SYN3: variants seen among roughly 807,000 people sequenced by gnomAD.
SYN3 encodes synapsin-3.
In SYN3, 35 loss-of-function variants were observed where a neutral mutation model predicts 65.8. That is an observed-to-expected ratio of 0.53 (90% confidence interval 0.41 to 0.70). SYN3 has a LOEUF of 0.70. Ranked by LOEUF, SYN3 falls within the 30% of genes least tolerant of loss-of-function variation. The pLI is 0.00. For missense variants in SYN3, 680 were observed against 749.0 expected (o/e 0.91, Z 1.08); for synonymous variants, 270 against 292.9 (o/e 0.92, Z 0.80).
At chr22:33,031,634 T>C (rs2053757082) in intron 1 of SYN3, among the ~76,000 whole-genome samples, 1 of 151,924 alleles carries the variant, frequency 6.6e-6, no homozygotes. Context: ...AGGGCCCTCT[T>C]CCCCTTCTCA....
chr22:32,697,397 C>T (rs2060751120), intron 6 of SYN3, among the ~76,000 whole-genome samples: 1 of 152,160 alleles, frequency 6.6e-6, no homozygotes, highest in South Asian at 2.1e-4. Context: ...TCATTCATAA[C>T]ACTGAGATAA....
chr22:32,732,643 A>G (rs1036936291), intron 6 of SYN3, among the ~76,000 whole-genome samples: 6 of 152,228 alleles, frequency 3.9e-5, no homozygotes, highest in Non-Finnish European at 8.8e-5. Flanking sequence ...GAGGATTAAC[A>G]GTGTCTACAT....
intron 6 of SYN3, among the ~76,000 whole-genome samples, chr22:32,855,676 T>C (rs2048342958): frequency 6.6e-6 from 1 of 152,158 alleles, no homozygotes; most frequent in Admixed American, 6.5e-5. Flanking sequence ...GGCCGGATAA[T>C]TCTTTGTTCT....
chr22:32,731,306 A>G (rs921890962), intron 6 of SYN3, among the ~76,000 whole-genome samples: 2 of 152,166 alleles, frequency 1.3e-5, no homozygotes, highest in Non-Finnish European at 2.9e-5. Flanking sequence ...ACTGGGATTC[A>G]GGACACTTGG....
At chr22:32,819,256 C>T (rs762297016) in intron 6 of SYN3, among the ~76,000 whole-genome samples, 1 of 152,246 alleles carries the variant, frequency 6.6e-6, no homozygotes, top group Non-Finnish European at 1.5e-5. Flanking sequence ...TCTCTGCTCA[C>T]TGCAGATCCC....
intron 6 of SYN3, among the ~76,000 whole-genome samples, chr22:32,737,148 C>T (rs573139154): frequency 6.6e-6 from 1 of 152,304 alleles, no homozygotes; most frequent in African/African-American, 2.4e-5. Context: ...TTTTATAGAA[C>T]AGTCTTAATA....
intron 6 of SYN3, among the ~76,000 whole-genome samples, chr22:32,655,773 C>A (rs1420020066): frequency 5.9e-5 from 9 of 152,146 alleles, no homozygotes; most frequent in Non-Finnish European, 1.2e-4. Flanking sequence ...ATAATTATTT[C>A]ATTGCATATT....
chr22:32,509,059 A>C lies in SYN3; in HGVS notation c.*4633T>G, dbSNP rs2057662998. Among the ~76,000 whole-genome samples the C allele has an allele frequency of 6.6e-6, 1 of 152,230 alleles. No homozygotes were observed. Among genetic ancestry groups the C allele is most frequent in the South Asian group, 2.1e-4 (1 of 4,836 alleles). On this transcript the variant is annotated 3_prime_UTR_variant, in exon 14 of 14. Coordinates refer to ENST00000358763, the MANE Select transcript of SYN3 (RefSeq NM_003490.4). ...GGAATGTTAGGCTAGAGAATGTAGT[A>C]ATGAAGAGAATCTAGGGAACTGATG...
intron 6 of SYN3, among the ~76,000 whole-genome samples, chr22:32,741,519 C>A (rs1195486520): frequency 6.6e-6 from 1 of 151,898 alleles, no homozygotes; most frequent in Non-Finnish European, 1.5e-5. Flanking sequence ...CCACGTCCGG[C>A]TAATTTTTTG....
intron 6 of SYN3, among the ~76,000 whole-genome samples, chr22:32,771,836 A>G (rs1176450723): frequency 1.3e-5 from 2 of 152,174 alleles, no homozygotes; most frequent in East Asian, 3.9e-4. Context: ...CTACAGTTTT[A>G]CTGGCCAAGG....
intron 1 of SYN3, among the ~76,000 whole-genome samples, chr22:33,041,463 A>T (rs1398691046): frequency 1.3e-5 from 2 of 148,952 alleles, no homozygotes; most frequent in Non-Finnish European, 3.0e-5. Flanking sequence ...CCCAGCTAAT[A>T]TTTTTTTGGA....
At chr22:32,606,464 C>G (rs2146656540) in intron 6 of SYN3, among the ~76,000 whole-genome samples, 2 of 152,310 alleles carry the variant, frequency 1.3e-5, no homozygotes, top group Middle Eastern at 6.8e-3. Context: ...GGAGCACAGA[C>G]AAGATGACCT....
intron 6 of SYN3, among the ~76,000 whole-genome samples, chr22:32,703,798 A>G (rs2060842976): frequency 6.6e-6 from 1 of 152,184 alleles, no homozygotes; most frequent in Non-Finnish European, 1.5e-5. Flanking sequence ...AAAATTTTCT[A>G]AAATCAATCT....
chr22:32,894,694 A>G (rs2049541578), intron 4 of SYN3, among the ~76,000 whole-genome samples: 1 of 152,216 alleles, frequency 6.6e-6, no homozygotes, highest in South Asian at 2.1e-4. Context: ...TAAACATCTG[A>G]TTAAACGTTA....
chr22:32,886,936 G>T (rs557223434), intron 4 of SYN3, among the ~76,000 whole-genome samples: 2 of 152,258 alleles, frequency 1.3e-5, no homozygotes, highest in Non-Finnish European at 2.9e-5. Flanking sequence ...TCCCCCGGAG[G>T]GGGTGGGATC....
intron 7 of SYN3, among the ~76,000 whole-genome samples, chr22:32,589,332 T>C (rs1186235893): frequency 6.6e-6 from 1 of 152,220 alleles, no homozygotes; most frequent in Admixed American, 6.5e-5. Flanking sequence ...AATCTCATCA[T>C]TGGAGGATAA....
At chr22:32,841,199 C>G (rs899165666) in intron 6 of SYN3, among the ~76,000 whole-genome samples, 1 of 152,174 alleles carries the variant, frequency 6.6e-6, no homozygotes, top group Non-Finnish European at 1.5e-5. Context: ...GCTTTGGCTA[C>G]AGCAATAGGT....
chr22:32,957,714 C>T (rs2051509787), intron 3 of SYN3, among the ~76,000 whole-genome samples: 2 of 152,178 alleles, frequency 1.3e-5, no homozygotes, highest in Admixed American at 1.3e-4. Context: ...TTTCAAAAGT[C>T]TGCTGTGAAA....
chr22:32,770,444 T>C (rs771367850), intron 6 of SYN3, among the ~76,000 whole-genome samples: 15 of 152,068 alleles, frequency 9.9e-5, no homozygotes, highest in Non-Finnish European at 1.8e-4. Context: ...CCCCATAACA[T>C]CTCTACCCTC....
Sources: allele counts gnomAD v4.1 joint callset (sites outside exome capture counted in the v4.1 genomes callset), GRCh38; gene constraint gnomAD v4.1.1; transcripts MANE v1.5; gene names NCBI Gene and HGNC (gene_info 2026-07-23, HGNC 2026-07-21).